ARL6: variants seen among roughly 807,000 people sequenced by gnomAD.
ARL6 encodes ADP-ribosylation factor-like protein 6.
In ARL6, 18 loss-of-function variants were observed where a neutral mutation model predicts 27.1. The ratio of observed to expected loss-of-function variants is 0.66; its 90% confidence interval spans 0.46 to 0.98. The LOEUF (loss-of-function observed/expected upper bound fraction) is 0.98. ARL6 is among the 50% of genes least tolerant of loss of function. The pLI is 0.00. For synonymous variants in ARL6, 65 were observed against 72.3 expected, an observed-to-expected ratio of 0.90 and a Z score of 0.51; for missense variants, 187 against 214.9, an observed-to-expected ratio of 0.87 and a Z score of 0.81.
chr3:97,777,097 A>C (rs183691892), intron 2 of ARL6, among the ~76,000 whole-genome samples: 1 of 152,364 alleles, frequency 6.6e-6, no homozygotes, highest in East Asian at 1.9e-4. Flanking sequence ...AATCCCAGAT[A>C]CCTAGAATAA....
At chr3:97,780,271 AT>A (rs1222669446) in intron 3 of ARL6, 51 bp downstream of exon 3, 1 of 1,376,134 alleles carries the variant, frequency 7.3e-7, no homozygotes, top group Non-Finnish European at 1.0e-6. Context: ...AAATAACAAT[AT>A]TAGGTCTACC....
chr3:97,774,285 C>T (rs954959707), intron 2 of ARL6, among the ~76,000 whole-genome samples: 6 of 152,078 alleles, frequency 3.9e-5, no homozygotes, highest in Admixed American at 2.6e-4. Context: ...CCTCTGGGGC[C>T]CCCCCAGGAT....
intron 6 of ARL6, among the ~76,000 whole-genome samples, chr3:97,789,119 C>G (rs1049146195): frequency 4.6e-5 from 7 of 152,270 alleles, no homozygotes; most frequent in African/African-American, 1.7e-4. Flanking sequence ...CTTAGGAAAG[C>G]TCTTGACACT....
chr3:97,778,125 C>T (rs910260352), intron 2 of ARL6, among the ~76,000 whole-genome samples: 2 of 151,958 alleles, frequency 1.3e-5, no homozygotes, highest in Non-Finnish European at 2.9e-5. Flanking sequence ...CAATGATTGG[C>T]ACATTTAAAG....
chr3:97,765,211 G>GGTGTGTGTGTGTGTGTGTGTGTGT (rs71113866), intron 1 of ARL6, among the ~76,000 whole-genome samples: 1 of 105,536 alleles, frequency 9.5e-6, no homozygotes, highest in Non-Finnish European at 2.2e-5. Context: ...GTGTATTGGG[G>GGTGTGTGTGTGTGTGTGTGTGTGT]GTGTGTGTGT....
intron 4 of ARL6, among the ~76,000 whole-genome samples, chr3:97,783,536 A>G (rs750241628): frequency 4.6e-5 from 7 of 151,852 alleles, no homozygotes; most frequent in Non-Finnish European, 1.0e-4. Flanking sequence ...GTGATTCCTT[A>G]GAATGAATTT....
Position 97,798,083 on chromosome 3 carries a change from A to T in ARL6, c.*34A>T. On this transcript the variant is annotated 3_prime_UTR_variant, in exon 8 of 8. Coordinates refer to ENST00000463745, the MANE Select transcript of ARL6 (RefSeq NM_001278293.3). ...TAGTTGGAAACCTCAGCAATTTTCA[A>T]TTCAAGGAATCTATCTAAGACAAAT... The T allele has an allele frequency of 4.4e-6, 7 of 1,597,890 alleles. No homozygotes were observed. The highest frequency in any genetic ancestry group is 6.0e-6 in the Non-Finnish European group (7 of 1,165,420).
chr3:97,788,632 T>A (rs1331722942), intron 6 of ARL6, among the ~76,000 whole-genome samples: 1 of 152,092 alleles, frequency 6.6e-6, no homozygotes, highest in African/African-American at 2.4e-5. Flanking sequence ...ATAGTCATAG[T>A]GCCTGGTATG....
chr3:97,765,212 GTGTGTGTGTGT>G (rs1229290496), intron 1 of ARL6, among the ~76,000 whole-genome samples: 328 of 8,598 alleles, frequency 0.038, 3 homozygotes, highest in Middle Eastern at 0.071. Context: ...TGTATTGGGG[GTGTGTGTGTGT>G]GTGTGTGTGT....
intron 7 of ARL6, among the ~76,000 whole-genome samples, chr3:97,796,334 C>A (rs1013917647): frequency 4.7e-5 from 7 of 149,838 alleles, no homozygotes; most frequent in African/African-American, 1.7e-4. Context: ...AAAGAAAGAA[C>A]GAAAAAAAAT....
chr3:97,776,802 A>G (rs536799351), intron 2 of ARL6, among the ~76,000 whole-genome samples: 188 of 152,052 alleles, frequency 1.2e-3, no homozygotes, highest in African/African-American at 4.3e-3. Context: ...GATTACAGGC[A>G]CGCGCCACCA....
In ARL6 at chr3:97,798,333, C is replaced by A. The variant is rs148380165; in HGVS notation, c.*284C>A. 3,390 of 284,686 alleles carry A rather than the reference C, an allele frequency of 0.012. 29 individuals carry two copies. Among genetic ancestry groups the A allele is most frequent in the Middle Eastern group, 0.015 (14 of 924 alleles). The allele number at this position is 284,686 out of a possible 1,614,324, so 17.6% of individuals were successfully genotyped here. A position where few individuals can be genotyped will look rare whatever the true frequency, so the allele number is the denominator to read the frequency against. ...GAATGTTTAAAAGTCAGTTATAAGC[C>A]ATCTCATCCCATCATAATTTATGAT... On this transcript the variant is annotated 3_prime_UTR_variant, in exon 8 of 8. Coordinates refer to ENST00000463745, the MANE Select transcript of ARL6 (RefSeq NM_001278293.3).
chr3:97,770,097 C>T (rs781393956), intron 2 of ARL6, among the ~76,000 whole-genome samples: 3 of 151,942 alleles, frequency 2.0e-5, no homozygotes, highest in Non-Finnish European at 4.4e-5. Flanking sequence ...TAGTTTCATG[C>T]GGAAACACTA....
intron 6 of ARL6, among the ~76,000 whole-genome samples, chr3:97,791,540 TG>T (rs1372479304): frequency 6.6e-6 from 1 of 152,224 alleles, no homozygotes; most frequent in East Asian, 1.9e-4. Context: ...GAACTAATCC[TG>T]GGATAAAATA....
chr3:97,785,185 A>C lies in ARL6; in HGVS notation c.349+136A>C. 6.4e-6 allele frequency: 4 copies of C among 622,310 alleles called. No homozygotes were observed. The South Asian group carries it at 9.3e-5, about 15-fold the overall frequency. 38.5% of individuals were successfully genotyped at this position (622,310 alleles called of 1,614,324 possible). A position where few individuals can be genotyped will look rare whatever the true frequency, so the allele number is the denominator to read the frequency against. Reference sequence around the variant, plus strand: ...TGAATTTAAAACATATATGTTATACAAAATTTATATTTTATGTACATCACC... The same window carrying C: ...TGAATTTAAAACATATATGTTATACCAAATTTATATTTTATGTACATCACC... On this transcript the variant is annotated intron_variant, in intron 5 of 7. Coordinates refer to ENST00000463745, the MANE Select transcript of ARL6 (RefSeq NM_001278293.3).
At chr3:97,783,365 C>G (rs577213326) in intron 4 of ARL6, among the ~76,000 whole-genome samples, 15 of 151,692 alleles carry the variant, frequency 9.9e-5, no homozygotes, top group African/African-American at 3.4e-4. Flanking sequence ...TCAGGAAAAA[C>G]ATGCAATGAA....
At chr3:97,765,400 G>C (rs2036334274) in intron 1 of ARL6, among the ~76,000 whole-genome samples, 1 of 152,156 alleles carries the variant, frequency 6.6e-6, no homozygotes, top group Non-Finnish European at 1.5e-5. Context: ...CTACCACTCT[G>C]TCTCTGCAGC....
intron 2 of ARL6, 36 bp downstream of exon 2, chr3:97,768,266 G>T (rs2036479233): frequency 1.2e-6 from 2 of 1,600,968 alleles, no homozygotes; most frequent in Non-Finnish European, 1.7e-6. Context: ...TGTATTTTCT[G>T]CTACTAAAGA....
intron 5 of ARL6, among the ~76,000 whole-genome samples, chr3:97,786,857 T>C (rs2037483024): frequency 6.6e-6 from 1 of 152,216 alleles, no homozygotes; most frequent in African/African-American, 2.4e-5. Flanking sequence ...GAAAGATTCT[T>C]GGCCTTTCTA....
Sources: gnomAD v4.1 joint callset for allele counts (sites outside exome capture counted in the v4.1 genomes callset) on GRCh38, gnomAD v4.1.1 for gene constraint, MANE v1.5 for transcripts, NCBI Gene and HGNC (gene_info 2026-07-23, HGNC 2026-07-21) for gene names.